The following TEC variants were observed in gnomAD, a reference collection of about 807,000 sequenced individuals.
The protein encoded by TEC is tyrosine-protein kinase Tec.
In TEC, 72 loss-of-function variants were observed where a neutral mutation model predicts 93.0. That is an observed-to-expected ratio of 0.77 (90% CI 0.64 to 0.94). The LOEUF is 0.94. TEC is among the 40% of genes least tolerant of loss of function. The probability of loss-of-function intolerance (pLI) is 0.00; values close to 1 mark genes in which losing one functional copy is unlikely to be tolerated. For missense variants in TEC, 630 were observed against 757.9 expected, an observed-to-expected ratio of 0.83 and a Z score of 1.98; for synonymous variants, 249 against 247.7, an observed-to-expected ratio of 1.01 and a Z score of -0.05.
chr4:48,196,332 A>C (rs1201420395), intron 2 of TEC, among the ~76,000 whole-genome samples: 1 of 152,170 alleles, frequency 6.6e-6, no homozygotes, highest in African/African-American at 2.4e-5. Context: ...TCTGAGTTTG[A>C]ATCTCAGCTC....
At chr4:48,241,752 C>T (rs567345404) in intron 1 of TEC, among the ~76,000 whole-genome samples, 2 of 152,112 alleles carry the variant, frequency 1.3e-5, no homozygotes, top group South Asian at 4.1e-4. Context: ...CATTCTTGAC[C>T]ACCTCATTCT....
chr4:48,175,262 T>C (rs1721276598), intron 3 of TEC, among the ~76,000 whole-genome samples: 1 of 152,208 alleles, frequency 6.6e-6, no homozygotes, highest in Non-Finnish European at 1.5e-5. Context: ...TCCAACGTAA[T>C]TGATAACTTC....
At chr4:48,231,983 T>C (rs775515144) in intron 1 of TEC, among the ~76,000 whole-genome samples, 1 of 151,974 alleles carries the variant, frequency 6.6e-6, no homozygotes, top group Non-Finnish European at 1.5e-5. Context: ...TTGAATGTCC[T>C]GGGGAAAAAA....
intron 9 of TEC, among the ~76,000 whole-genome samples, chr4:48,155,292 T>C (rs973413374): frequency 6.6e-6 from 1 of 152,188 alleles, no homozygotes; most frequent in Admixed American, 6.5e-5. Context: ...GCAATATTAA[T>C]TGGACATGAT....
intron 2 of TEC, among the ~76,000 whole-genome samples, chr4:48,176,873 C>T (rs1296117696): frequency 1.3e-5 from 2 of 152,204 alleles, no homozygotes; most frequent in African/African-American, 4.8e-5. Context: ...TCCATTTACT[C>T]AATCACACAT....
rs73814679 is a variant in TEC at position 48,176,007 on chromosome 4, A to G, written c.243+75T>C. Reference sequence around the variant, plus strand: ...CTACAAATCAGCCAGCAAAGCAAGGACAGGAAACTGTAATGTCAAAGAGCA... The same window carrying G: ...CTACAAATCAGCCAGCAAAGCAAGGGCAGGAAACTGTAATGTCAAAGAGCA... On this transcript the variant is annotated intron_variant, in intron 3 of 17. Transcript: ENST00000381501. The G allele has an allele frequency of 6.0e-3, 6,845 of 1,150,380 alleles. 280 individuals carry two copies. The African/African-American group carries it at 0.093, about 16-fold the overall frequency. 71.3% of individuals were successfully genotyped at this position (1,150,380 alleles called of 1,614,324 possible). A position where few individuals can be genotyped will look rare whatever the true frequency, so the allele number is the denominator to read the frequency against.
At chr4:48,156,432 G>A (rs1029088519) in intron 9 of TEC, among the ~76,000 whole-genome samples, 2 of 152,134 alleles carry the variant, frequency 1.3e-5, no homozygotes, top group Admixed American at 6.5e-5. Context: ...GGCAGGTGTG[G>A]GGATAACTGT....
At chr4:48,214,445 C>A (rs562332308) in intron 2 of TEC, among the ~76,000 whole-genome samples, 3 of 152,244 alleles carry the variant, frequency 2.0e-5, no homozygotes, top group Non-Finnish European at 4.4e-5. Context: ...TATGGTTTGA[C>A]CTAACGATTT....
In TEC at chr4:48,167,775, T is replaced by G. The variant is rs767260980; in HGVS notation, c.671+3A>C. 4.0e-5 allele frequency: 65 copies of G among 1,613,428 alleles called. No individual in the cohort carries two copies. Among genetic ancestry groups the G allele is most frequent in the Non-Finnish European group, 5.5e-5 (65 of 1,179,614 alleles). ...ATATCACACACATAGAGGGAATACT[T>G]ACCCATATTTATCTCTTGCTCTCCA... is the stretch of plus-strand genomic sequence containing the variant. On this transcript the variant is annotated splice_donor_region_variant and intron_variant, in intron 7 of 17. Coordinates refer to ENST00000381501, the MANE Select transcript of TEC (RefSeq NM_003215.3).
At chr4:48,184,864 C>G (rs1172178521) in intron 2 of TEC, among the ~76,000 whole-genome samples, 1 of 150,366 alleles carries the variant, frequency 6.7e-6, no homozygotes, top group Non-Finnish European at 1.5e-5. Context: ...AAATTTAGAA[C>G]TTGCGGTCTT....
intron 2 of TEC, among the ~76,000 whole-genome samples, chr4:48,205,829 T>C (rs1722697615): frequency 1.3e-5 from 2 of 152,188 alleles, no homozygotes; most frequent in African/African-American, 4.8e-5. Context: ...CCAAAGCAAT[T>C]CAGCTCCTAT....
chr4:48,170,478 G>T, intron 4 of TEC, 102 bp from the exon 5 acceptor site: 1 of 825,296 alleles, frequency 1.2e-6, no homozygotes, highest in Non-Finnish European at 1.8e-6. Context: ...TGGACACTAT[G>T]TTTACTATAA....
At chr4:48,258,665 T>A (rs1232315685) in intron 1 of TEC, among the ~76,000 whole-genome samples, 1 of 152,194 alleles carries the variant, frequency 6.6e-6, no homozygotes, top group Non-Finnish European at 1.5e-5. Flanking sequence ...CTCTCCTGAG[T>A]CCTGATTTTC....
chr4:48,163,768 C>A lies in TEC; in HGVS notation c.672-1G>T. ...ATTACTTGGGATATATCCTTCATTCCTAGAAATAAGAAAAATACTTTAGGT... is the reference window on the plus strand; with the variant it reads ...ATTACTTGGGATATATCCTTCATTCATAGAAATAAGAAAAATACTTTAGGT... On this transcript the variant is annotated splice_acceptor_variant, in intron 7 of 17. Coordinates refer to ENST00000381501, the MANE Select transcript of TEC (RefSeq NM_003215.3). LOFTEE classifies it high-confidence loss of function. 9 of 1,465,436 alleles carry A rather than the reference C, an allele frequency of 6.1e-6. No homozygotes were observed. Among genetic ancestry groups the A allele is most frequent in the Non-Finnish European group, 8.3e-6 (9 of 1,079,676 alleles). 90.8% of individuals were successfully genotyped at this position (1,465,436 alleles called of 1,614,324 possible). A position where few individuals can be genotyped will look rare whatever the true frequency, so the allele number is the denominator to read the frequency against.
chr4:48,223,095 A>C (rs890478118), intron 2 of TEC, among the ~76,000 whole-genome samples: 18 of 152,320 alleles, frequency 1.2e-4, no homozygotes, highest in South Asian at 4.1e-4. Context: ...ATTATGTGTC[A>C]ATTATAAATT....
chr4:48,156,112 C>A (rs1720387146), intron 9 of TEC, among the ~76,000 whole-genome samples: 1 of 152,150 alleles, frequency 6.6e-6, no homozygotes, highest in South Asian at 2.1e-4. Context: ...GCTACAATAA[C>A]CACACTGGTT....
chr4:48,156,973 T>C (rs552141091), intron 8 of TEC, among the ~76,000 whole-genome samples: 2 of 152,326 alleles, frequency 1.3e-5, no homozygotes, highest in Admixed American at 1.3e-4. Context: ...TTCATTAAAG[T>C]GAGATCAAAC....
At chr4:48,151,599 G>A (rs1462167716) in intron 9 of TEC, among the ~76,000 whole-genome samples, 1 of 152,130 alleles carries the variant, frequency 6.6e-6, no homozygotes, top group African/African-American at 2.4e-5. Flanking sequence ...CAGTTCTCCT[G>A]CCTCAGCCTC....
At chr4:48,181,116 A>C (rs1721565445) in intron 2 of TEC, among the ~76,000 whole-genome samples, 2 of 151,820 alleles carry the variant, frequency 1.3e-5, no homozygotes, top group South Asian at 4.1e-4. Context: ...GGAACACAGA[A>C]GGACAATCAG....
Sources: gnomAD v4.1 joint callset for allele counts (sites outside exome capture counted in the v4.1 genomes callset) on GRCh38, gnomAD v4.1.1 for gene constraint, MANE v1.5 for transcripts, NCBI Gene and HGNC (gene_info 2026-07-23, HGNC 2026-07-21) for gene names.